ASH1L: variants seen among roughly 807,000 people sequenced by gnomAD.
ASH1L encodes the protein histone-lysine N-methyltransferase ASH1L.
Under a neutral mutation model 269.0 loss-of-function variants are expected in ASH1L, and 23 were observed. The ratio of observed to expected loss-of-function variants is 0.09; its 90% CI spans 0.06 to 0.12. The LOEUF (loss-of-function observed/expected upper bound fraction) is 0.12, where lower values mean the gene tolerates loss of function less well. Among genes scored for constraint, ASH1L ranks in the 10% least tolerant of loss-of-function variants. ASH1L has a pLI of 1.00. For synonymous variants in ASH1L, 1,187 were observed against 1,253.5 expected, an observed-to-expected ratio of 0.95 and a Z score of 1.12; for missense variants, 2,912 against 3,567.8, an observed-to-expected ratio of 0.82 and a Z score of 4.68.
At chr1:155,552,605 C>G (rs1207429338) in intron 1 of ASH1L, among the ~76,000 whole-genome samples, 1 of 152,136 alleles carries the variant, frequency 6.6e-6, no homozygotes, top group Non-Finnish European at 1.5e-5. Context: ...GAGATCGCAC[C>G]ACTGCACTCC....
chr1:155,421,528 G>A (rs1004468468), intron 5 of ASH1L, among the ~76,000 whole-genome samples: 3 of 151,112 alleles, frequency 2.0e-5, no homozygotes, highest in African/African-American at 7.3e-5. Context: ...AAAAATAGCC[G>A]GGCATGGTGG....
chr1:155,475,019 TTC>T (rs577335821), intron 3 of ASH1L, among the ~76,000 whole-genome samples: 9 of 152,240 alleles, frequency 5.9e-5, no homozygotes, highest in Non-Finnish European at 1.0e-4. Flanking sequence ...GTTTGGTCTC[TTC>T]TTTTGCCACA....
At chr1:155,525,307 T>C (rs1478487051) in intron 1 of ASH1L, among the ~76,000 whole-genome samples, 2 of 151,872 alleles carry the variant, frequency 1.3e-5, no homozygotes, top group East Asian at 3.8e-4. Flanking sequence ...AGTCCTATCT[T>C]CTCCATGATG....
rs780279320 is a variant in ASH1L, at chr1:155,438,742, G to A, written c.5413C>T (p.Arg1805Cys). 3.7e-6 allele frequency: 6 copies of A among 1,614,070 alleles called. No homozygotes were observed. The highest frequency in any genetic ancestry group is 1.7e-5 in the Admixed American group (1 of 59,980). Reference sequence around the variant, plus strand: ...TAATTGCACATTTTCCGAGCTTGGCGTTGCATAGCTTCCACTACACTTCTC... The same window carrying A: ...TAATTGCACATTTTCCGAGCTTGGCATTGCATAGCTTCCACTACACTTCTC... The part of the protein sequence containing the change: ...IKRSVVEAMQ[R>C]QARKMCNYDK... The change falls in exon 5 of 28, where the codon CGC (arginine) becomes TGC (cysteine). Residue 1805 changes from arginine (R) to cysteine (C), a missense_variant. Arg to Cys is a radical substitution (Grantham distance 180, BLOSUM62 -3). Around this residue, in one of 13 missense-constraint regions of ASH1L, gnomAD observed 789 missense variants for 897.6 expected, o/e 0.88. Transcript: ENST00000392403.
At chr1:155,523,032 T>A (rs1668993934) in intron 1 of ASH1L, among the ~76,000 whole-genome samples, 1 of 151,984 alleles carries the variant, frequency 6.6e-6, no homozygotes, top group South Asian at 2.1e-4. Context: ...ACAAAACAAG[T>A]CAGTATTCTT....
chr1:155,432,229 T>C, intron 5 of ASH1L, among the ~76,000 whole-genome samples: 1 of 152,226 alleles, frequency 6.6e-6, no homozygotes, highest in Non-Finnish European at 1.5e-5. Flanking sequence ...CTTTTGTGTA[T>C]GCTCTCTCCT....
At chr1:155,362,558 C>T (rs2148390998) in intron 12 of ASH1L, among the ~76,000 whole-genome samples, 1 of 152,096 alleles carries the variant, frequency 6.6e-6, no homozygotes, top group East Asian at 1.9e-4. Flanking sequence ...GCAACTGAGG[C>T]ACACAGGGAG....
intron 5 of ASH1L, among the ~76,000 whole-genome samples, chr1:155,432,019 C>T (rs1047547204): frequency 2.0e-5 from 3 of 152,142 alleles, no homozygotes; most frequent in Non-Finnish European, 4.4e-5. Context: ...AGAAGCCCAC[C>T]TCATAACCAT....
chr1:155,511,207 C>T (rs1308124033), intron 2 of ASH1L, among the ~76,000 whole-genome samples: 2 of 152,118 alleles, frequency 1.3e-5, no homozygotes, highest in Admixed American at 1.3e-4. Flanking sequence ...TTGCAAAACA[C>T]CACCACAGTT....
Position 155,339,328 on chromosome 1 carries a change from C to T in ASH1L, c.8501G>A (p.Arg2834Gln), listed in dbSNP as rs748257840. The T allele has an allele frequency of 5.6e-6, 9 of 1,613,238 alleles. No homozygotes were observed. The highest frequency in any genetic ancestry group is 3.3e-5 in the South Asian group (3 of 91,068). ...VPDNYKRNGG[R>Q]SSWKSERSKP... Reference sequence around the variant, plus strand: ...CCTCATATCCCCCCATGGGACTTACCGTCCTCCATTCCTCTTGTAGTTGTC... The same window carrying T: ...CCTCATATCCCCCCATGGGACTTACTGTCCTCCATTCCTCTTGTAGTTGTC... Residue 2834 changes from arginine to glutamine, a missense_variant and splice_region_variant, in exon 26 of 28, where the codon CGA (arginine) becomes CAA (glutamine). By Grantham distance (43) the Arg-to-Gln change is conservative. This residue lies in a region of ASH1L where 154 missense variants were observed against 165.0 expected (regional missense o/e 0.93). Transcript: ENST00000392403.
At chr1:155,428,053 A>G (rs1395095716) in intron 5 of ASH1L, among the ~76,000 whole-genome samples, 1 of 152,198 alleles carries the variant, frequency 6.6e-6, no homozygotes, top group East Asian at 1.9e-4. Context: ...CATGCTTACT[A>G]TACAGCCTGC....
At chr1:155,348,911 TACACACACACACAC>T (rs59676231) in intron 19 of ASH1L, among the ~76,000 whole-genome samples, 10 of 140,406 alleles carry the variant, frequency 7.1e-5, no homozygotes, top group South Asian at 4.5e-4. Flanking sequence ...TATATATATA[TACACACACACACAC>T]ACACACACAC....
chr1:155,502,320 T>C (rs574103149), intron 2 of ASH1L, among the ~76,000 whole-genome samples: 3 of 152,236 alleles, frequency 2.0e-5, no homozygotes, highest in Admixed American at 6.5e-5. Flanking sequence ...TTCGCCCGCC[T>C]TGGCCTCCCA....
In ASH1L at chr1:155,419,310, TCAAA is replaced by T. The variant is rs1202696619; in HGVS notation, c.5829-3391_5829-3388del. The T allele has an allele frequency of 2.7e-5, 4 of 148,284 alleles. No individual in the cohort carries two copies. In the Admixed American group the frequency reaches 2.7e-4, roughly 10 times the overall value. 9.2% of individuals were successfully genotyped at this position (148,284 alleles called of 1,614,324 possible). A position where few individuals can be genotyped will look rare whatever the true frequency, so the allele number is the denominator to read the frequency against. ...CAAACCAGAAGACAATGTAATGACA[TCAAA>T]CAGTGTTAAAAGGAGAGGCAAAGGG... On this transcript the variant is annotated intron_variant, in intron 5 of 27. Coordinates refer to ENST00000392403, the MANE Select transcript of ASH1L (RefSeq NM_018489.3).
chr1:155,545,170 C>T (rs1343190396), intron 1 of ASH1L, among the ~76,000 whole-genome samples: 1 of 35,636 alleles, frequency 2.8e-5, no homozygotes, highest in Non-Finnish European at 5.2e-5. Flanking sequence ...AAAACTCCAT[C>T]TCACCAAAAA....
intron 2 of ASH1L, among the ~76,000 whole-genome samples, chr1:155,500,948 A>G (rs972726318): frequency 3.9e-5 from 6 of 152,174 alleles, no homozygotes; most frequent in African/African-American, 1.4e-4. Flanking sequence ...AGCCTGGGCG[A>G]CAGAATGAGA....
At chr1:155,416,350 C>CTCA (rs1410733863) in intron 5 of ASH1L, among the ~76,000 whole-genome samples, 2 of 152,082 alleles carry the variant, frequency 1.3e-5, no homozygotes, top group African/African-American at 4.8e-5. Context: ...AACTCTTGAC[C>CTCA]TCAAGTAATC....
At chr1:155,505,362 A>T (rs1667742777) in intron 2 of ASH1L, among the ~76,000 whole-genome samples, 1 of 152,172 alleles carries the variant, frequency 6.6e-6, no homozygotes, top group African/African-American at 2.4e-5. Context: ...TGCGATTCAC[A>T]TATACACTCC....
chr1:155,504,890 T>C (rs1018896630), intron 2 of ASH1L, among the ~76,000 whole-genome samples: 1 of 150,000 alleles, frequency 6.7e-6, no homozygotes, highest in African/African-American at 2.4e-5. Flanking sequence ...ATTACAGCTA[T>C]AAATGACAGG....
Sources: gnomAD v4.1 joint callset for allele counts (sites outside exome capture counted in the v4.1 genomes callset) on GRCh38, gnomAD v4.1.1 for gene constraint, gnomAD v4.1.1 regional missense constraint, MANE v1.5 for transcripts, NCBI Gene and HGNC (gene_info 2026-07-23, HGNC 2026-07-21) for gene names.